The following RGS14 variants were observed in gnomAD, a reference collection of about 807,000 sequenced individuals.
RGS14 encodes the protein regulator of G protein signaling 14.
A neutral mutation model predicts 63.8 loss-of-function variants in RGS14; 33 were observed. The ratio of observed to expected loss-of-function variants is 0.52; its 90% CI spans 0.39 to 0.69. RGS14 has a LOEUF of 0.69. Ranked by LOEUF, RGS14 falls within the 30% of genes least tolerant of loss-of-function variation. The pLI, the probability that RGS14 is intolerant of heterozygous loss-of-function variation, is 0.00. For synonymous variants in RGS14, 296 were observed against 320.9 expected (o/e 0.92, Z 0.83); for missense variants, 739 against 742.9 (o/e 0.99, Z 0.06).
rs534007729 is a variant in RGS14 at position 177,358,240 on chromosome 5, C to G, written c.45+171C>G. ...AGGACCTGGTGCTCTCACCCCTAGA[C>G]CCTTCCAGATGGCCCAGCCGGGAGC... On this transcript the variant is annotated intron_variant, in intron 1 of 14. Coordinates refer to ENST00000408923, the MANE Select transcript of RGS14 (RefSeq NM_006480.5). This position sits in a 1 kb window ranked among gnomAD's most constrained non-coding sequence, Gnocchi z 4.8. Among the ~76,000 whole-genome samples the G allele has an allele frequency of 1.3e-5, 2 of 152,220 alleles. No individual in the cohort carries two copies. Among genetic ancestry groups the G allele is most frequent in the Non-Finnish European group, 2.9e-5 (2 of 68,018 alleles).
chr5:177,361,504 T>G (rs1394512866), intron 1 of RGS14, among the ~76,000 whole-genome samples: 1 of 152,062 alleles, frequency 6.6e-6, no homozygotes, highest in African/African-American at 2.4e-5. Flanking sequence ...GGGAGTCAGC[T>G]TGGGTAGAGG....
chr5:177,360,247 A>G (rs1176469005), intron 1 of RGS14, among the ~76,000 whole-genome samples: 2 of 152,086 alleles, frequency 1.3e-5, no homozygotes, highest in Non-Finnish European at 2.9e-5. Context: ...CATCAGCCCT[A>G]GTCCCTGCCC....
rs1263593530 is a variant in RGS14, at chr5:177,366,574, G to C, written c.247-134G>C. On this transcript the variant is annotated intron_variant, in intron 3 of 14. Transcript: ENST00000408923. ...CCTGTCTTCAGATCGGTCTGGCTCC[G>C]TCTGTCTGTCTGGCCCTGTCTGTCT... The C allele has an allele frequency of 3.4e-6, 3 of 884,018 alleles. No individual in the cohort carries two copies. The Admixed American group carries it at 6.5e-5, about 19-fold the overall frequency. 54.8% of individuals were successfully genotyped at this position (884,018 alleles called of 1,614,324 possible).
Position 177,358,802 on chromosome 5 carries a change from T to A in RGS14, c.45+733T>A, listed in dbSNP as rs1468793493. ...TGGGCCTCCCTTCTCTCCCTAGGGT[T>A]CCCCCCTCACTTGGAAGAGTCCCTC... On this transcript the variant is annotated intron_variant, in intron 1 of 14. Coordinates refer to ENST00000408923, the MANE Select transcript of RGS14 (RefSeq NM_006480.5). The surrounding 1 kb of genome is among the most constrained non-coding windows in gnomAD (Gnocchi z 4.8). Among the ~76,000 whole-genome samples the A allele has an allele frequency of 6.6e-6, 1 of 152,048 alleles. No homozygotes were observed. The highest frequency in any genetic ancestry group is 1.5e-5 in the Non-Finnish European group (1 of 67,996).
chr5:177,369,080 A>C (rs1440248234), intron 9 of RGS14, 160 bp downstream of exon 9: 3 of 663,470 alleles, frequency 4.5e-6, no homozygotes, highest in Non-Finnish European at 8.0e-6. Context: ...ACATCCACCC[A>C]CCCCCCACCT....
chr5:177,365,454 C>T (rs981986137), intron 1 of RGS14, among the ~76,000 whole-genome samples: 1 of 152,028 alleles, frequency 6.6e-6, no homozygotes, highest in Non-Finnish European at 1.5e-5. Context: ...CCACCCATCT[C>T]GGCCTCCCAA....
chr5:177,370,998 C>CG lies in RGS14; in HGVS notation c.1223dup (p.Ser410GlufsTer45). The CG allele has an allele frequency of 6.2e-7, 1 of 1,601,330 alleles. No individual in the cohort carries two copies. Among genetic ancestry groups the CG allele is most frequent in the Non-Finnish European group, 8.5e-7 (1 of 1,177,752 alleles). ...CGCTGCAGCCCATTCTGGAGAAGCA[C>CG]GGCTTGAGCCCGCTAGAGGTGGTGC... On this transcript the variant is annotated frameshift_variant, in exon 11 of 15. Coordinates refer to ENST00000408923, the MANE Select transcript of RGS14 (RefSeq NM_006480.5). LOFTEE classifies it high-confidence loss of function.
chr5:177,366,940 C>CGCT lies in RGS14; in HGVS notation c.391_393dup (p.Leu131dup). 6.2e-7 allele frequency: 1 copy of CGCT among 1,613,998 alleles called. No individual in the cohort carries two copies. The highest frequency in any genetic ancestry group is 1.1e-5 in the South Asian group (1 of 91,056). The stretch of plus-strand genomic sequence containing the variant: ...TACCAGGAGTTCCTGTCCAGCCAGG[C>CGCT]GCTGAGCCCAGTGAACATCGACCGT... On this transcript the variant is annotated inframe_insertion, in exon 5 of 15. Transcript: ENST00000408923.
chr5:177,367,502 G>T lies in RGS14; in HGVS notation c.572G>T (p.Arg191Leu), dbSNP rs1762128934. The change falls in exon 6 of 15, where the codon CGC (arginine) becomes CTC (leucine). Residue 191 changes from arginine to leucine, a missense_variant. Arg to Leu is a moderately radical substitution (Grantham distance 102). Coordinates refer to ENST00000408923, the MANE Select transcript of RGS14 (RefSeq NM_006480.5). The part of the protein sequence containing the change: ...RECLLAEAEG[R>L]PLREPGSSRL... ...TGCCTGCTAGCCGAAGCCGAGGGAC[G>T]CCCTCTGCGGGAACCTGGCTCCTCG... is the stretch of plus-strand genomic sequence containing the variant. 1 of 1,612,408 alleles carries T rather than the reference G, an allele frequency of 6.2e-7. No homozygotes were observed. Among genetic ancestry groups the T allele is most frequent in the Admixed American group, 1.7e-5 (1 of 59,882 alleles).
Position 177,371,402 on chromosome 5 carries a change from C to T in RGS14, c.1383+6C>T, listed in dbSNP as rs373854219. The T allele has an allele frequency of 3.1e-6, 5 of 1,613,948 alleles. No homozygotes were observed. The African/African-American group carries it at 5.3e-5, about 17-fold the overall frequency. On this transcript the variant is annotated splice_donor_region_variant and intron_variant, in intron 13 of 14. Transcript: ENST00000408923. The surrounding 1 kb of genome is among the most constrained non-coding windows in gnomAD (Gnocchi z 6.1). ...AATCTCCCTGCCGCAGCCAGGTGAG[C>T]GAAAGGCGAGTGGCCTCTTCCACCC...
At chr5:177,365,909 C>T (rs934104695) in intron 1 of RGS14, 54 bp from the exon 2 acceptor site, 9 of 1,588,198 alleles carry the variant, frequency 5.7e-6, no homozygotes, top group African/African-American at 5.4e-5. Flanking sequence ...CCAGAACTGT[C>T]CCCTGGGAAT....
chr5:177,364,695 G>A lies in RGS14; in HGVS notation c.46-1268G>A, dbSNP rs1561614351. On this transcript the variant is annotated intron_variant, in intron 1 of 14. Transcript: ENST00000408923. This position sits in a 1 kb window ranked among gnomAD's most constrained non-coding sequence, Gnocchi z 4.6. ...TGCATGAGTGGGAGATAGTGGGGAA[G>A]CTGGAGGAGCTGCTAGGAAGGTAAA... is the stretch of plus-strand genomic sequence containing the variant. Among the ~76,000 whole-genome samples, 1 of 152,194 alleles carries A rather than the reference G, an allele frequency of 6.6e-6. No individual in the cohort carries two copies. Among genetic ancestry groups the A allele is most frequent in the Non-Finnish European group, 1.5e-5 (1 of 68,022 alleles).
Position 177,371,098 on chromosome 5 carries a change from C to CGGGGCCGGGGCT in RGS14, c.1255-56_1255-55insTGGGGCCGGGGC. The CGGGGCCGGGGCT allele has an allele frequency of 1.2e-6, 1 of 842,102 alleles. No individual in the cohort carries two copies. The allele number at this position is 842,102 out of a possible 1,614,324, so 52.2% of individuals were successfully genotyped here. On this transcript the variant is annotated intron_variant, in intron 11 of 14. Coordinates refer to ENST00000408923, the MANE Select transcript of RGS14 (RefSeq NM_006480.5). This position sits in a 1 kb window ranked among gnomAD's most constrained non-coding sequence, Gnocchi z 6.1. ...CCGGGGCCGGGGCCGGGGCCGGGGC[C>CGGGGCCGGGGCT]GGGGCCGGGGCCGGGGCCGGGGCCG...
At chr5:177,367,235 G>A in intron 5 of RGS14, 179 bp from the exon 6 acceptor site, 1 of 1,095,110 alleles carries the variant, frequency 9.1e-7, no homozygotes, top group South Asian at 1.6e-5. Context: ...GCGGAGCCTA[G>A]CTGAGCTCGG....
At chr5:177,365,377 A>G (rs961390697) in intron 1 of RGS14, among the ~76,000 whole-genome samples, 1 of 136,882 alleles carries the variant, frequency 7.3e-6, no homozygotes, top group Non-Finnish European at 1.6e-5. Flanking sequence ...TTTTTTTTGT[A>G]TTTTTAGTAG....
In RGS14 at chr5:177,371,514, C is replaced by T. The variant is rs1349914202; in HGVS notation, c.1423C>T (p.Pro475Ser). ...PRTQDKATHP[P>S]PASPSSLVKV... ...AACTCAGGATAAGGCCACCCATCCC[C>T]CTCCAGCGTCCCCCAGTTCTCTGGT... is the stretch of plus-strand genomic sequence containing the variant. Residue 475 changes from proline to serine, a missense_variant, in exon 14 of 15, where the codon CCT becomes TCT. Transcript: ENST00000408923. This position sits in a 1 kb window ranked among gnomAD's most constrained non-coding sequence, Gnocchi z 6.1. 5 of 1,614,048 alleles carry T rather than the reference C, an allele frequency of 3.1e-6. No individual in the cohort carries two copies. Among genetic ancestry groups the T allele is most frequent in the Middle Eastern group, 1.6e-4 (1 of 6,084 alleles).
In RGS14 at chr5:177,372,033, C is replaced by T; in HGVS notation, c.1659C>T (p.Pro553=). Residue 553 remains proline (P), a synonymous_variant, in exon 15 of 15, where the codon CCC becomes CCT. Coordinates refer to ENST00000408923, the MANE Select transcript of RGS14 (RefSeq NM_006480.5). ...TPPQTKSAAQ[P]IGGSLNSTTD... ...CACAGACCAAATCAGCAGCCCAGCC[C>T]ATCGGGGGATCCTTGAACTCCACCA... 6.2e-7 allele frequency: 1 copy of T among 1,614,170 alleles called. No individual in the cohort carries two copies. Among genetic ancestry groups the T allele is most frequent in the Non-Finnish European group, 8.5e-7 (1 of 1,180,018 alleles).
rs1561618763 is a variant in RGS14 at position 177,371,078 on chromosome 5, GCCGGGGCCGGGGCCGGGGCCGGGGC to G, written c.1254+49_1255-61del. On this transcript the variant is annotated intron_variant, in intron 11 of 14. Coordinates refer to ENST00000408923, the MANE Select transcript of RGS14 (RefSeq NM_006480.5). This position sits in a 1 kb window ranked among gnomAD's most constrained non-coding sequence, Gnocchi z 6.1. ...CGGGGCGGGGCGGGGCCGGGCCGGG[GCCGGGGCCGGGGCCGGGGCCGGGGC>G]CGGGGCCGGGGCCGGGGCCGGGCGG... is the stretch of plus-strand genomic sequence containing the variant. 5.9e-5 allele frequency: 18 copies of G among 306,570 alleles called. No individual in the cohort carries two copies. In the South Asian group the frequency reaches 7.5e-4, roughly 13 times the overall value. 19.0% of individuals were successfully genotyped at this position (306,570 alleles called of 1,614,324 possible). A position where few individuals can be genotyped will look rare whatever the true frequency, so the allele number is the denominator to read the frequency against.
chr5:177,368,375 A>G, intron 8 of RGS14, 109 bp downstream of exon 8: 2 of 1,211,734 alleles, frequency 1.7e-6, no homozygotes, highest in South Asian at 1.5e-5. Flanking sequence ...TGCGTCTCCC[A>G]GCTTGCTCTG....
Sources: gnomAD v4.1 joint callset for allele counts (sites outside exome capture counted in the v4.1 genomes callset) on GRCh38, gnomAD v4.1.1 for gene constraint, Gnocchi (gnomAD v3.1) non-coding constraint, MANE v1.5 for transcripts, NCBI Gene and HGNC (gene_info 2026-07-23, HGNC 2026-07-21) for gene names.